MAPKBP1: variants seen among roughly 807,000 people sequenced by gnomAD.
The protein encoded by MAPKBP1 is mitogen-activated protein kinase-binding protein 1.
A neutral mutation model predicts 170.5 loss-of-function variants in MAPKBP1; 71 were observed. That is an observed-to-expected ratio of 0.42 (90% CI 0.34 to 0.51). The LOEUF is 0.51. Ranked by LOEUF, MAPKBP1 falls within the 20% of genes least tolerant of loss-of-function variation. The probability of loss-of-function intolerance (pLI) is 0.06; values close to 1 mark genes in which losing one functional copy is unlikely to be tolerated. For synonymous variants in MAPKBP1, 719 were observed against 757.9 expected, an observed-to-expected ratio of 0.95 and a Z score of 0.84; for missense variants, 1,598 against 1,933.0, an observed-to-expected ratio of 0.83 and a Z score of 3.25.
At position 41,787,774 on chromosome 15, in the gene MAPKBP1, C is replaced by T. The variant is rs139214199; in HGVS notation, c.115-12049C>T. On this transcript the variant is annotated intron_variant, in intron 2 of 30. Coordinates refer to ENST00000457542, the MANE Select transcript of MAPKBP1 (RefSeq NM_014994.3). ...GTGTTCTGTTTGTAATCATGTATGGCACATGGATTATGTTATTCAGGCCTT... is the reference window on the plus strand; with the variant it reads ...GTGTTCTGTTTGTAATCATGTATGGTACATGGATTATGTTATTCAGGCCTT... 3.8e-4 allele frequency among the ~76,000 whole-genome samples: 58 copies of T among 152,172 alleles called. 3 individuals carry two copies. In the East Asian group the frequency reaches 0.011, roughly 29 times the overall value.
rs765730972 is a variant in MAPKBP1 at position 41,819,324 on chromosome 15, TGAA to T, written c.2377_2379del (p.Glu793del). 28 of 1,614,074 alleles carry T rather than the reference TGAA, an allele frequency of 1.7e-5. No individual in the cohort carries two copies. Among genetic ancestry groups the T allele is most frequent in the African/African-American group, 5.3e-5 (4 of 74,924 alleles). On this transcript the variant is annotated inframe_deletion, in exon 21 of 31. Transcript: ENST00000457542. ...ACAAGGAGGGAGAAGATGAGGGGAC[TGAA>T]GAAGAACTTCCAGCACTGCCCGTCC...
chr15:41,811,643 G>C, intron 5 of MAPKBP1: 2 of 624,952 alleles, frequency 3.2e-6, no homozygotes, highest in South Asian at 1.5e-5. Flanking sequence ...CTTACTAGGG[G>C]CAGAAATAGA....
Position 41,823,915 on chromosome 15 carries a change from A to G in MAPKBP1, c.4067A>G (p.His1356Arg). 6.2e-7 allele frequency: 1 copy of G among 1,614,082 alleles called. No individual in the cohort carries two copies. Among genetic ancestry groups the G allele is most frequent in the Non-Finnish European group, 8.5e-7 (1 of 1,179,996 alleles). Residue 1356 changes from histidine (H) to arginine (R), a missense_variant, in exon 29 of 31, where the codon CAT (histidine) becomes CGT (arginine). Physicochemically the swap from His to Arg is conservative, Grantham distance 29 (BLOSUM62 0). Around this residue, in one of 6 missense-constraint regions of MAPKBP1, gnomAD observed 942 missense variants for 953.2 expected, o/e 0.99. Transcript: ENST00000457542. ...AAGCCTAGGACAGAGTGCCAGGCTC[A>G]TCCTGGGCCCAGCAGCCCCTGTGCC... ...TPKPRTECQAHPGPSSPCAQQ... is the reference protein window; with the variant it reads ...TPKPRTECQARPGPSSPCAQQ...
chr15:41,814,104 G>A (rs1180447181), intron 9 of MAPKBP1, among the ~76,000 whole-genome samples: 1 of 152,194 alleles, frequency 6.6e-6, no homozygotes, highest in Non-Finnish European at 1.5e-5. Flanking sequence ...CAATTCTACA[G>A]TGGAACATCT....
rs199911830 is a variant in MAPKBP1 at position 41,813,592 on chromosome 15, C to G, written c.820-29C>G. On this transcript the variant is annotated intron_variant, in intron 8 of 30. Transcript: ENST00000457542. Reference sequence around the variant, plus strand: ...AGAGAAGACTGAGTGGGCAGGTGGCCTTGCTGAGCTGAGCCACTCTGCCCA... The same window carrying G: ...AGAGAAGACTGAGTGGGCAGGTGGCGTTGCTGAGCTGAGCCACTCTGCCCA... 6 of 1,607,526 alleles carry G rather than the reference C, an allele frequency of 3.7e-6. No individual in the cohort carries two copies. The Admixed American group carries it at 8.6e-5, about 23-fold the overall frequency.
In MAPKBP1 at chr15:41,817,947, A is replaced by C; in HGVS notation, c.1905-62A>C. ...ACTGGGAGTGAAAGCTGGCATTTCC[A>C]TCCCCCAGGCGTGTTCCACCTTCAC... On this transcript the variant is annotated intron_variant, in intron 16 of 30. Transcript: ENST00000457542. This position sits in a 1 kb window ranked among gnomAD's most constrained non-coding sequence, Gnocchi z 4.2. 6.4e-7 allele frequency: 1 copy of C among 1,565,468 alleles called. No homozygotes were observed. Among genetic ancestry groups the C allele is most frequent in the East Asian group, 2.2e-5 (1 of 44,660 alleles).
rs1375888400 is a variant in MAPKBP1, at chr15:41,826,063, C to G, written c.*627C>G. On this transcript the variant is annotated 3_prime_UTR_variant, in exon 31 of 31. Coordinates refer to ENST00000457542, the MANE Select transcript of MAPKBP1 (RefSeq NM_014994.3). Reference sequence around the variant, plus strand: ...TGAGCCCGCACATTCCACTCCCATTCTCCCTCCAAGAGGGGCCCAGCATTG... The same window carrying G: ...TGAGCCCGCACATTCCACTCCCATTGTCCCTCCAAGAGGGGCCCAGCATTG... 1.3e-5 allele frequency: 2 copies of G among 152,912 alleles called. No individual in the cohort carries two copies. Among genetic ancestry groups the G allele is most frequent in the East Asian group, 3.9e-4 (2 of 5,192 alleles). 9.5% of individuals were successfully genotyped at this position (152,912 alleles called of 1,614,324 possible).
At chr15:41,790,359 G>A (rs1021696675) in intron 2 of MAPKBP1, among the ~76,000 whole-genome samples, 2 of 152,164 alleles carry the variant, frequency 1.3e-5, no homozygotes, top group Non-Finnish European at 2.9e-5. Context: ...TTTTCATTCA[G>A]AATCTTGCAG....
intron 2 of MAPKBP1, among the ~76,000 whole-genome samples, chr15:41,788,618 T>C (rs1183419936): frequency 6.6e-6 from 1 of 152,190 alleles, no homozygotes; most frequent in Non-Finnish European, 1.5e-5. Flanking sequence ...AAGGGAAGGT[T>C]AGAAGAAGCA....
chr15:41,809,768 G>C (rs2064770420), intron 3 of MAPKBP1, among the ~76,000 whole-genome samples: 2 of 152,368 alleles, frequency 1.3e-5, no homozygotes, highest in South Asian at 4.1e-4. Context: ...CTCCGGAGCT[G>C]CCTCTGGAAA....
At position 41,811,243 on chromosome 15, in the gene MAPKBP1, A is replaced by C. The variant is rs779513244; in HGVS notation, c.327+8A>C. On this transcript the variant is annotated splice_region_variant and intron_variant, in intron 5 of 30. Transcript: ENST00000457542. ...TACTTGGTCACTGGAGAGGTGAGTG[A>C]GGAAGAGGGCTGGCAGTACTGTAAA... is the stretch of plus-strand genomic sequence containing the variant. The C allele has an allele frequency of 1.2e-6, 2 of 1,614,224 alleles. No individual in the cohort carries two copies. The highest frequency in any genetic ancestry group is 1.7e-6 in the Non-Finnish European group (2 of 1,180,022).
rs1033412140 is a variant in MAPKBP1, at chr15:41,784,400, G to T, written c.114+9011G>T. On this transcript the variant is annotated intron_variant, in intron 2 of 30. Transcript: ENST00000457542. Reference sequence around the variant, plus strand: ...TTGGGCCTGTAACCCCAGCTACTCTGGAGGCTGAGGCGGGAGGATCACTTG... The same window carrying T: ...TTGGGCCTGTAACCCCAGCTACTCTTGAGGCTGAGGCGGGAGGATCACTTG... Among the ~76,000 whole-genome samples, 115 of 152,278 alleles carry T rather than the reference G, an allele frequency of 7.6e-4. 2 individuals are homozygous for T. The highest frequency in any genetic ancestry group is 7.5e-3 in the Admixed American group (115 of 15,298).
chr15:41,810,227 C>T (rs2064778417), intron 3 of MAPKBP1, among the ~76,000 whole-genome samples: 1 of 152,210 alleles, frequency 6.6e-6, no homozygotes, highest in South Asian at 2.1e-4. Flanking sequence ...CCCTCCTACA[C>T]CCCTTCCTGG....
intron 2 of MAPKBP1, among the ~76,000 whole-genome samples, chr15:41,783,399 C>T (rs1249322211): frequency 1.3e-5 from 2 of 152,148 alleles, no homozygotes; most frequent in African/African-American, 4.8e-5. Context: ...TGGATGATGA[C>T]AGTTGGTTGA....
intron 2 of MAPKBP1, among the ~76,000 whole-genome samples, chr15:41,795,163 CAAAAAAA>C (rs57214059): frequency 8.8e-6 from 1 of 113,218 alleles, no homozygotes; most frequent in Non-Finnish European, 1.8e-5. Context: ...AACCCTGTCT[CAAAAAAA>C]AAAAAAAAAA....
intron 28 of MAPKBP1, 35 bp downstream of exon 28, chr15:41,823,257 G>T (rs375566278): frequency 3.7e-6 from 6 of 1,601,506 alleles, no homozygotes; most frequent in Non-Finnish European, 5.1e-6. Context: ...CCAGGGTGCA[G>T]GGTGTATGGA....
chr15:41,806,906 GCCT>G (rs541083811), intron 3 of MAPKBP1, among the ~76,000 whole-genome samples: 197 of 152,302 alleles, frequency 1.3e-3, no homozygotes, highest in African/African-American at 4.6e-3. Flanking sequence ...GGTCAGGAGG[GCCT>G]CAAGTCAAGC....
At chr15:41,801,872 A>G (rs746370905) in intron 3 of MAPKBP1, among the ~76,000 whole-genome samples, 9 of 152,148 alleles carry the variant, frequency 5.9e-5, no homozygotes, top group Admixed American at 1.3e-4. Context: ...GCCACCACCA[A>G]AAAAAGCTAC....
intron 3 of MAPKBP1, among the ~76,000 whole-genome samples, chr15:41,801,868 A>G (rs2064601065): frequency 6.6e-6 from 1 of 152,126 alleles, no homozygotes; most frequent in South Asian, 2.1e-4. Flanking sequence ...ACAAGCCACC[A>G]CCAAAAAAAG....
Sources: allele counts gnomAD v4.1 joint callset (sites outside exome capture counted in the v4.1 genomes callset), GRCh38; gene constraint gnomAD v4.1.1; regional missense constraint gnomAD v4.1.1; non-coding constraint Gnocchi (gnomAD v3.1); transcripts MANE v1.5; gene names NCBI Gene and HGNC (gene_info 2026-07-23, HGNC 2026-07-21).